Variants in CWF19L2 observed in about 807,000 individuals in gnomAD.
CWF19L2 encodes the protein CWF19 like cell cycle control factor 2, also known as CWF19-like protein 2.
In CWF19L2, 98 loss-of-function variants were observed where a neutral mutation model predicts 111.7. The observed-to-expected ratio is 0.88, with a 90% CI of 0.75 to 1.04. CWF19L2 has a LOEUF of 1.04. Ranked by LOEUF, CWF19L2 falls within the 50% of genes least tolerant of loss-of-function variation. The pLI is 0.00. For missense variants in CWF19L2, 1,101 were observed against 1,051.4 expected, an observed-to-expected ratio of 1.05 and a Z score of -0.65; for synonymous variants, 351 against 342.9, an observed-to-expected ratio of 1.02 and a Z score of -0.26.
intron 10 of CWF19L2, among the ~76,000 whole-genome samples, chr11:107,394,140 G>C: frequency 6.6e-6 from 1 of 152,028 alleles, no homozygotes; most frequent in East Asian, 1.9e-4. Flanking sequence ...ATCAACTATA[G>C]AAAAAATCAA....
intron 12 of CWF19L2, among the ~76,000 whole-genome samples, chr11:107,372,371 CAA>C (rs34019651): frequency 2.5e-5 from 3 of 121,394 alleles, no homozygotes; most frequent in East Asian, 2.4e-4. Flanking sequence ...TAAAAGGTGG[CAA>C]AAAAAAAAAG....
At chr11:107,390,716 A>G (rs1036202189) in intron 11 of CWF19L2, among the ~76,000 whole-genome samples, 1 of 152,234 alleles carries the variant, frequency 6.6e-6, no homozygotes. Context: ...TAACTGGGCT[A>G]TGAGCATGAA....
At chr11:107,444,225 C>T (rs1325790168) in intron 3 of CWF19L2, among the ~76,000 whole-genome samples, 1 of 151,888 alleles carries the variant, frequency 6.6e-6, no homozygotes, top group Non-Finnish European at 1.5e-5. Context: ...ACATGCACCG[C>T]CTTCACACTC....
chr11:107,407,230 T>C (rs569970800), intron 10 of CWF19L2, among the ~76,000 whole-genome samples: 1 of 152,252 alleles, frequency 6.6e-6, no homozygotes, highest in African/African-American at 2.4e-5. Flanking sequence ...TTAAATTTGA[T>C]TTCTATCTTC....
At chr11:107,415,455 A>G (rs1218468771) in intron 10 of CWF19L2, among the ~76,000 whole-genome samples, 1 of 152,120 alleles carries the variant, frequency 6.6e-6, no homozygotes, top group Non-Finnish European at 1.5e-5. Flanking sequence ...TTCCCTCCCT[A>G]CCCAAATGAA....
chr11:107,416,299 C>T lies in CWF19L2; in HGVS notation c.1528-1G>A. ...GAACTTTAAGTTGTTCAGCTAATTCCTTCAAAAAGAAAAACAAGTAAAATA... is the reference window on the plus strand; with the variant it reads ...GAACTTTAAGTTGTTCAGCTAATTCTTTCAAAAAGAAAAACAAGTAAAATA... On this transcript the variant is annotated splice_acceptor_variant, in intron 9 of 17. Transcript: ENST00000282251. LOFTEE classifies it high-confidence loss of function. 1 of 1,376,634 alleles carries T rather than the reference C, an allele frequency of 7.3e-7. No individual in the cohort carries two copies. Among genetic ancestry groups the T allele is most frequent in the Non-Finnish European group, 9.8e-7 (1 of 1,023,186 alleles). 85.3% of individuals were successfully genotyped at this position (1,376,634 alleles called of 1,614,324 possible). A position where few individuals can be genotyped will look rare whatever the true frequency, so the allele number is the denominator to read the frequency against.
intron 14 of CWF19L2, among the ~76,000 whole-genome samples, chr11:107,337,157 C>T (rs1358566562): frequency 1.3e-5 from 2 of 152,188 alleles, no homozygotes; most frequent in African/African-American, 2.4e-5. Flanking sequence ...ATAGCATCTG[C>T]ATTTGTTGGT....
Position 107,456,420 on chromosome 11 carries a change from C to A in CWF19L2, c.106-644G>T, listed in dbSNP as rs1386514981. Among the ~76,000 whole-genome samples, 4 of 152,052 alleles carry A rather than the reference C, an allele frequency of 2.6e-5. No individual in the cohort carries two copies. In the East Asian group the frequency reaches 7.7e-4, roughly 29 times the overall value. Reference sequence around the variant, plus strand: ...CGAAACTTACTCCCTCCAAAAACTGCTGGAAATACCAAAGAGAAAAGAATG... The same window carrying A: ...CGAAACTTACTCCCTCCAAAAACTGATGGAAATACCAAAGAGAAAAGAATG... On this transcript the variant is annotated intron_variant, in intron 1 of 17. Coordinates refer to ENST00000282251, the MANE Select transcript of CWF19L2 (RefSeq NM_152434.3).
chr11:107,384,189 C>A (rs1473224718), intron 12 of CWF19L2, among the ~76,000 whole-genome samples: 2 of 152,162 alleles, frequency 1.3e-5, no homozygotes, highest in African/African-American at 4.8e-5. Context: ...GGCCCAAGAT[C>A]CATTTTCAGG....
rs1232295748 is a variant in CWF19L2 at position 107,326,949 on chromosome 11, C to T, written c.2646G>A (p.Trp882Ter). The T allele has an allele frequency of 1.9e-6, 3 of 1,610,918 alleles. No individual in the cohort carries two copies. The highest frequency in any genetic ancestry group is 2.5e-6 in the Non-Finnish European group (3 of 1,178,638). ...QRKKALQFAQWWKPYDFTKSK... is the reference protein window; with the variant it reads ...QRKKALQFAQ ...TTTTGGTGAAGTCATATGGTTTCCA[C>T]CACTGAGCAAACTGCAGTGCTTTTT... Residue 882 changes from tryptophan (W) to a stop codon, truncating the protein, a stop_gained, in exon 18 of 18, where the codon TGG (tryptophan) becomes TGA (stop). Coordinates refer to ENST00000282251, the MANE Select transcript of CWF19L2 (RefSeq NM_152434.3). LOFTEE classifies it high-confidence loss of function.
At chr11:107,403,236 TA>T (rs1003957568) in intron 10 of CWF19L2, among the ~76,000 whole-genome samples, 14 of 150,324 alleles carry the variant, frequency 9.3e-5, no homozygotes, top group East Asian at 3.9e-4. Flanking sequence ...ACCACTGGTA[TA>T]AAAAAAAATT....
At chr11:107,356,235 G>A (rs1320519071) in intron 12 of CWF19L2, among the ~76,000 whole-genome samples, 1 of 152,020 alleles carries the variant, frequency 6.6e-6, no homozygotes, top group Non-Finnish European at 1.5e-5. Flanking sequence ...TGCTGCTAAA[G>A]CATAATTTAG....
At chr11:107,399,108 AT>A (rs1381113744) in intron 10 of CWF19L2, among the ~76,000 whole-genome samples, 1 of 152,224 alleles carries the variant, frequency 6.6e-6, no homozygotes, top group Non-Finnish European at 1.5e-5. Context: ...TCTTTAAAGC[AT>A]AAATTACACA....
intron 3 of CWF19L2, among the ~76,000 whole-genome samples, chr11:107,451,238 A>G (rs1467759071): frequency 1.3e-5 from 2 of 152,164 alleles, no homozygotes; most frequent in Non-Finnish European, 2.9e-5. Flanking sequence ...TATATCCATG[A>G]GTAAGAAAAA....
chr11:107,446,568 C>A (rs976366341), intron 3 of CWF19L2, among the ~76,000 whole-genome samples: 42 of 152,106 alleles, frequency 2.8e-4, no homozygotes, highest in Non-Finnish European at 5.1e-4. Context: ...TCTTCTTCTA[C>A]AAAATCTACT....
chr11:107,401,505 C>T (rs954986126), intron 10 of CWF19L2, among the ~76,000 whole-genome samples: 1 of 151,994 alleles, frequency 6.6e-6, no homozygotes, highest in Non-Finnish European at 1.5e-5. Context: ...AAATAAAATA[C>T]TTAGGAATAT....
chr11:107,415,134 C>G (rs1316156923), intron 10 of CWF19L2, among the ~76,000 whole-genome samples: 1 of 152,180 alleles, frequency 6.6e-6, no homozygotes, highest in African/African-American at 2.4e-5. Flanking sequence ...TTCCCTCTCT[C>G]ATTTATTCCA....
chr11:107,412,099 T>A (rs1861164923), intron 10 of CWF19L2, among the ~76,000 whole-genome samples: 1 of 152,152 alleles, frequency 6.6e-6, no homozygotes, highest in African/African-American at 2.4e-5. Flanking sequence ...GGGAAAAAAA[T>A]GTGCCTGATT....
intron 1 of CWF19L2, among the ~76,000 whole-genome samples, chr11:107,457,438 A>G (rs1861870983): frequency 6.6e-6 from 1 of 152,224 alleles, no homozygotes; most frequent in African/African-American, 2.4e-5. Flanking sequence ...TCCGAGTGAT[A>G]GAAATGTAAA....
Sources: allele counts gnomAD v4.1 joint callset (sites outside exome capture counted in the v4.1 genomes callset), GRCh38; gene constraint gnomAD v4.1.1; transcripts MANE v1.5; gene names NCBI Gene and HGNC (gene_info 2026-07-23, HGNC 2026-07-21).